The following YLPM1 variants were observed in gnomAD, a reference collection of about 807,000 sequenced individuals.
YLPM1 encodes the protein YLP motif-containing protein 1.
A neutral mutation model predicts 230.0 loss-of-function variants in YLPM1; 99 were observed. The observed-to-expected ratio is 0.43, with a 90% CI of 0.37 to 0.51. The LOEUF (loss-of-function observed/expected upper bound fraction) is 0.51. YLPM1 is among the 20% of genes least tolerant of loss of function. YLPM1 has a pLI of 0.00. For synonymous variants in YLPM1, 984 were observed against 942.5 expected (o/e 1.04, Z -0.81); for missense variants, 2,592 against 2,707.7 (o/e 0.96, Z 0.95).
chr14:74,830,740 C>T (rs1027887485), intron 19 of YLPM1, among the ~76,000 whole-genome samples: 8 of 152,210 alleles, frequency 5.3e-5, no homozygotes, highest in African/African-American at 1.4e-4. Flanking sequence ...CAGCATGTGA[C>T]GTGGCGAGAG....
intron 1 of YLPM1, among the ~76,000 whole-genome samples, chr14:74,773,059 G>A (rs1159122142): frequency 1.3e-5 from 2 of 152,080 alleles, no homozygotes; most frequent in South Asian, 2.1e-4. Context: ...AGGCTGAGGT[G>A]GGCGGATCAC....
intron 9 of YLPM1, 124 bp from the exon 10 acceptor site, chr14:74,811,496 T>A: frequency 2.7e-5 from 17 of 631,384 alleles, no homozygotes; most frequent in Middle Eastern, 4.5e-4. Flanking sequence ...AAAAAAAAAG[T>A]AAACATTTAC....
At chr14:74,788,068 A>G (rs575598438) in intron 4 of YLPM1, among the ~76,000 whole-genome samples, 74 of 152,150 alleles carry the variant, frequency 4.9e-4, no homozygotes, top group Non-Finnish European at 9.1e-4. Context: ...CATCCATTAA[A>G]TTTGGGCACA....
chr14:74,819,092 T>A (rs1384210140), intron 16 of YLPM1, among the ~76,000 whole-genome samples: 2 of 152,212 alleles, frequency 1.3e-5, no homozygotes, highest in South Asian at 4.1e-4. Context: ...TACCTTTTTC[T>A]CTTTGTGATA....
intron 16 of YLPM1, among the ~76,000 whole-genome samples, chr14:74,819,248 T>C (rs1383408804): frequency 6.6e-6 from 1 of 151,950 alleles, no homozygotes; most frequent in East Asian, 1.9e-4. Context: ...GTTTGACCTC[T>C]TCCATACTCA....
chr14:74,811,591 G>A (rs768546277), intron 9 of YLPM1, 29 bp from the exon 10 acceptor site: 51 of 1,545,158 alleles, frequency 3.3e-5, no homozygotes, highest in Non-Finnish European at 4.5e-5. Context: ...TTTTTTATTT[G>A]CTGAAGCGCT....
intron 1 of YLPM1, among the ~76,000 whole-genome samples, chr14:74,777,571 A>AC (rs2091054077): frequency 6.6e-6 from 1 of 151,988 alleles, no homozygotes; most frequent in Non-Finnish European, 1.5e-5. Flanking sequence ...CATCTCAAAA[A>AC]AAAAAAAATA....
intron 4 of YLPM1, among the ~76,000 whole-genome samples, chr14:74,790,024 ATTAT>A (rs2140099524): frequency 1.3e-5 from 2 of 151,990 alleles, no homozygotes; most frequent in East Asian, 3.9e-4. Context: ...GATTGTCTTG[ATTAT>A]TCTTATTAGA....
In YLPM1 at chr14:74,822,164, G is replaced by A. The variant is rs1475328536; in HGVS notation, c.6111+1027G>A. 7 of 151,978 alleles carry A rather than the reference G, an allele frequency of 4.6e-5. No individual in the cohort carries two copies. The East Asian group carries it at 1.3e-3, about 29-fold the overall frequency. The allele number at this position is 151,978 out of a possible 1,614,324, so 9.4% of individuals were successfully genotyped here. A position where few individuals can be genotyped will look rare whatever the true frequency, so the allele number is the denominator to read the frequency against. ...TTTTTTTTAAATCTAGTTTTCTTAA[G>A]TTGTATTTTGGCATATATAATTTAA... is the stretch of plus-strand genomic sequence containing the variant. On this transcript the variant is annotated intron_variant, in intron 17 of 20. Coordinates refer to ENST00000325680, the MANE Select transcript of YLPM1 (RefSeq NM_019589.3).
rs878872316 is a variant in YLPM1 at position 74,836,190 on chromosome 14, A to G, written c.*452A>G. On this transcript the variant is annotated 3_prime_UTR_variant, in exon 21 of 21. Coordinates refer to ENST00000325680, the MANE Select transcript of YLPM1 (RefSeq NM_019589.3). The stretch of plus-strand genomic sequence containing the variant: ...CGATGAGATTCATGGGCTATACAGC[A>G]TGGGCCCTTTTCTCTTGTTTTCTTA... 1.9e-5 allele frequency: 3 copies of G among 160,058 alleles called. No homozygotes were observed. Among genetic ancestry groups the G allele is most frequent in the African/African-American group, 7.2e-5 (3 of 41,472 alleles). 9.9% of individuals were successfully genotyped at this position (160,058 alleles called of 1,614,324 possible). A position where few individuals can be genotyped will look rare whatever the true frequency, so the allele number is the denominator to read the frequency against.
rs1486841301 is a variant in YLPM1 at position 74,810,226 on chromosome 14, G to C, written c.5034G>C (p.Glu1678Asp). 1 of 1,612,808 alleles carries C rather than the reference G, an allele frequency of 6.2e-7. No homozygotes were observed. Among genetic ancestry groups the C allele is most frequent in the Non-Finnish European group, 8.5e-7 (1 of 1,179,268 alleles). Residue 1678 changes from glutamate to aspartate, a missense_variant and splice_region_variant, in exon 9 of 21, where the codon GAG becomes GAC. Coordinates refer to ENST00000325680, the MANE Select transcript of YLPM1 (RefSeq NM_019589.3). ...PLPERSTFETEHAGQRDRYDR... is the reference protein window; with the variant it reads ...PLPERSTFETDHAGQRDRYDR... ...ATTTTGTACTAATTGTTTTTGTAGA[G>C]CATGCAGGCCAACGTGATCGTTATG...
chr14:74,794,918 C>T (rs1318206000), intron 4 of YLPM1, among the ~76,000 whole-genome samples: 1 of 152,146 alleles, frequency 6.6e-6, no homozygotes. Context: ...TCCCTTTGCT[C>T]TAAGTAAGTA....
chr14:74,807,726 A>G (rs946439417), intron 6 of YLPM1, among the ~76,000 whole-genome samples: 1 of 152,200 alleles, frequency 6.6e-6, no homozygotes, highest in African/African-American at 2.4e-5. Flanking sequence ...TTGTTGTTTC[A>G]TAGTACTCAT....
chr14:74,794,784 CACAT>C (rs2091242751), intron 4 of YLPM1, among the ~76,000 whole-genome samples: 1 of 152,046 alleles, frequency 6.6e-6, no homozygotes, highest in African/African-American at 2.4e-5. Context: ...CACACACACA[CACAT>C]ATTTAAACAC....
chr14:74,802,464 A>T (rs2091337238), intron 5 of YLPM1, 92 bp from the exon 6 acceptor site: 2 of 1,428,068 alleles, frequency 1.4e-6, no homozygotes, highest in African/African-American at 1.5e-5. Flanking sequence ...AGGATTTTTT[A>T]GGTCTCCTTT....
intron 16 of YLPM1, among the ~76,000 whole-genome samples, chr14:74,818,534 G>T (rs573907080): frequency 7.3e-4 from 111 of 152,188 alleles, no homozygotes; most frequent in Non-Finnish European, 1.2e-3. Flanking sequence ...CACTGTTTTT[G>T]TGGAACCATT....
Position 74,781,929 on chromosome 14 carries a change from C to T in YLPM1, c.1886C>T (p.Pro629Leu). Residue 629 changes from proline (P) to leucine (L), a missense_variant, in exon 4 of 21, where the codon CCT becomes CTT. Pro to Leu is a moderately conservative substitution (Grantham distance 98, BLOSUM62 -3). Coordinates refer to ENST00000325680, the MANE Select transcript of YLPM1 (RefSeq NM_019589.3). ...MPLPPLSSAT[P>L]PPGIPPPGVP... ...CTCCCACCATTGTCTTCAGCTACACCTCCTCCAGGAATACCTCCCCCTGGA... is the reference window on the plus strand; with the variant it reads ...CTCCCACCATTGTCTTCAGCTACACTTCCTCCAGGAATACCTCCCCCTGGA... The T allele has an allele frequency of 6.2e-7, 1 of 1,613,858 alleles. No homozygotes were observed. Among genetic ancestry groups the T allele is most frequent in the Non-Finnish European group, 8.5e-7 (1 of 1,179,834 alleles).
intron 4 of YLPM1, among the ~76,000 whole-genome samples, chr14:74,783,141 T>G (rs944349116): frequency 1.3e-5 from 2 of 152,202 alleles, no homozygotes; most frequent in Non-Finnish European, 2.9e-5. Flanking sequence ...TATGGCTCAG[T>G]GCAGCCTCTT....
chr14:74,799,453 AAGCGAG>A lies in YLPM1; in HGVS notation c.4158_4163del (p.Lys1386_Asp1388delinsAsn). On this transcript the variant is annotated inframe_deletion, in exon 5 of 21. Coordinates refer to ENST00000325680, the MANE Select transcript of YLPM1 (RefSeq NM_019589.3). ...AGAAAGAGGAGATACATGGCGGGAA[AAGCGAG>A]ATTATGTTCCTGACAGAATGGACTG... 1 of 1,614,018 alleles carries A rather than the reference AAGCGAG, an allele frequency of 6.2e-7. No individual in the cohort carries two copies.
Sources: allele counts gnomAD v4.1 joint callset (sites outside exome capture counted in the v4.1 genomes callset), GRCh38; gene constraint gnomAD v4.1.1; transcripts MANE v1.5; gene names NCBI Gene and HGNC (gene_info 2026-07-23, HGNC 2026-07-21).